The following COL6A5 variants were observed in gnomAD, a reference collection of about 807,000 sequenced individuals.
COL6A5 encodes collagen type VI alpha 5 chain, also known as collagen alpha-5(VI) chain.
A neutral mutation model predicts 65.6 loss-of-function variants in COL6A5; 48 were observed. The ratio of observed to expected loss-of-function variants is 0.73; its 90% CI spans 0.58 to 0.93. The LOEUF (loss-of-function observed/expected upper bound fraction) is 0.93. Ranked by LOEUF, COL6A5 falls within the 40% of genes least tolerant of loss-of-function variation. COL6A5 has a pLI of 0.00. For missense variants in COL6A5, 914 were observed against 928.3 expected, an observed-to-expected ratio of 0.98 and a Z score of 0.20; for synonymous variants, 291 against 322.8, an observed-to-expected ratio of 0.90 and a Z score of 1.05.
At chr3:130,478,734 A>G (rs1710158789) in intron 7 of COL6A5, among the ~76,000 whole-genome samples, 1 of 151,978 alleles carries the variant, frequency 6.6e-6, no homozygotes, top group Non-Finnish European at 1.5e-5. Flanking sequence ...AAAATATTCT[A>G]TCTGTAGTCC....
intron 7 of COL6A5, among the ~76,000 whole-genome samples, chr3:130,479,686 A>G (rs819095): frequency 0.64 from 96,705 of 151,982 alleles, 33,721 homozygotes; most frequent in Non-Finnish European, 0.79. Context: ...TGAATGAACT[A>G]AATTGAAGCT....
chr3:130,447,070 T>C (rs1278662922), intron 4 of COL6A5, among the ~76,000 whole-genome samples: 1 of 152,132 alleles, frequency 6.6e-6, no homozygotes, highest in African/African-American at 2.4e-5. Flanking sequence ...TCCAGTAATA[T>C]GGGAAATTCC....
exon 6 of COL6A5, chr3:130,388,812 GTCTC>G: frequency 6.4e-7 from 1 of 1,551,370 alleles, no homozygotes; most frequent in Non-Finnish European, 8.7e-7. Context: ...TAGATAGAAT[GTCTC>G]TCATCAATGA....
intron 4 of COL6A5, among the ~76,000 whole-genome samples, chr3:130,445,669 GT>G (rs1169839520): frequency 6.6e-6 from 1 of 152,078 alleles, no homozygotes; most frequent in Non-Finnish European, 1.5e-5. Flanking sequence ...ATGAGGCCTG[GT>G]GCGGGGGGGA....
At position 130,432,001 on chromosome 3, in the gene COL6A5, G is replaced by T. The variant is rs1378438253; in HGVS notation, c.487+52G>T. On this transcript the variant is annotated intron_variant, in intron 1 of 7. Coordinates refer to ENST00000512836, the Ensembl canonical transcript of COL6A5. Reference sequence around the variant, plus strand: ...TAATTTTAAGATAGAGGTAGGTATTGTGATAGGGCAGGATGGGAGTGGTAG... The same window carrying T: ...TAATTTTAAGATAGAGGTAGGTATTTTGATAGGGCAGGATGGGAGTGGTAG... 2.0e-5 allele frequency: 31 copies of T among 1,522,708 alleles called. No homozygotes were observed. The South Asian group carries it at 3.0e-4, about 15-fold the overall frequency. 94.3% of individuals were successfully genotyped at this position (1,522,708 alleles called of 1,614,324 possible).
At chr3:130,437,816 T>C (rs1020514757) in intron 1 of COL6A5, among the ~76,000 whole-genome samples, 2 of 152,152 alleles carry the variant, frequency 1.3e-5, no homozygotes, top group Admixed American at 1.3e-4. Context: ...TTAAATGTCA[T>C]GTTATCAGTG....
intron 4 of COL6A5, among the ~76,000 whole-genome samples, chr3:130,451,373 G>A (rs6800797): frequency 6.6e-6 from 1 of 151,768 alleles, no homozygotes; most frequent in Admixed American, 6.6e-5. Context: ...TGAGAAAGGG[G>A]CATTGGAGGA....
At chr3:130,413,516 A>G (rs1559888797) in intron 20 of COL6A5, 29 bp from the exon 21 acceptor site, 1 of 1,544,088 alleles carries the variant, frequency 6.5e-7, no homozygotes, top group Non-Finnish European at 8.8e-7. Context: ...AGACATCCAC[A>G]TACTAACAGT....
chr3:130,445,059 G>A lies in COL6A5; in HGVS notation c.1332+1493G>A, dbSNP rs113542533. Among the ~76,000 whole-genome samples the A allele has an allele frequency of 7.4e-3, 1,127 of 152,266 alleles. 14 individuals carry two copies. The highest frequency in any genetic ancestry group is 0.025 in the African/African-American group (1,057 of 41,558). On this transcript the variant is annotated intron_variant, in intron 4 of 7. Transcript: ENST00000512836. The stretch of plus-strand genomic sequence containing the variant: ...TAATTTGATTTGCCAATTTTTGATC[G>A]ATGCCTTGTTGAGAATTCCACATTT...
chr3:130,417,502 A>G (rs1559891344), intron 24 of COL6A5, among the ~76,000 whole-genome samples: 2 of 152,252 alleles, frequency 1.3e-5, no homozygotes, highest in South Asian at 4.2e-4. Flanking sequence ...CATCAGAAAC[A>G]ACTCTAAAAG....
At chr3:130,456,777 G>A (rs571752851) in intron 5 of COL6A5, among the ~76,000 whole-genome samples, 1 of 152,160 alleles carries the variant, frequency 6.6e-6, no homozygotes, top group African/African-American at 2.4e-5. Context: ...AGAGAAAAAG[G>A]GGCCAGTTTT....
chr3:130,468,743 C>G lies in COL6A5; in HGVS notation c.1545-52C>G, dbSNP rs1709875996. ...TGTATTTGCCATCTATGACTAGGAG[C>G]TCCAAGCTTATCTTTCCATTAAAAA... is the stretch of plus-strand genomic sequence containing the variant. On this transcript the variant is annotated intron_variant, in intron 5 of 7. Coordinates refer to ENST00000512836, the Ensembl canonical transcript of COL6A5. 4 of 1,322,060 alleles carry G rather than the reference C, an allele frequency of 3.0e-6. No individual in the cohort carries two copies. The East Asian group carries it at 9.7e-5, about 32-fold the overall frequency. The allele number at this position is 1,322,060 out of a possible 1,614,324, so 81.9% of individuals were successfully genotyped here. A position where few individuals can be genotyped will look rare whatever the true frequency, so the allele number is the denominator to read the frequency against.
At chr3:130,439,580 C>G (rs1438760377) in exon 2 of COL6A5, 2 of 1,551,174 alleles carry the variant, frequency 1.3e-6, no homozygotes, top group Non-Finnish European at 1.7e-6. Context: ...GAAAATCAAA[C>G]ATTAGAAAGA....
chr3:130,392,321 G>C (rs1465420543), intron 7 of COL6A5, among the ~76,000 whole-genome samples: 1 of 152,158 alleles, frequency 6.6e-6, no homozygotes, highest in Non-Finnish European at 1.5e-5. Context: ...GGTAATGGAA[G>C]CTGGCTGAGA....
intron 1 of COL6A5, among the ~76,000 whole-genome samples, chr3:130,362,656 A>C (rs1935185697): frequency 6.6e-6 from 1 of 152,162 alleles, no homozygotes; most frequent in African/African-American, 2.4e-5. Context: ...TCAGTTTGTC[A>C]ATATCAAAAT....
intron 23 of COL6A5, among the ~76,000 whole-genome samples, chr3:130,416,124 C>G (rs1364529612): frequency 6.6e-6 from 1 of 152,092 alleles, no homozygotes; most frequent in Admixed American, 6.6e-5. Flanking sequence ...TACTTGATTC[C>G]TATGTTCACC....
intron 1 of COL6A5, among the ~76,000 whole-genome samples, chr3:130,438,321 T>G (rs867636181): frequency 2.0e-5 from 3 of 152,190 alleles, no homozygotes; most frequent in African/African-American, 4.8e-5. Flanking sequence ...CTGTTTCATT[T>G]ATTTTCATAT....
intron 29 of COL6A5, 128 bp downstream of exon 29, chr3:130,424,028 C>A: frequency 1.7e-6 from 1 of 603,508 alleles, no homozygotes; most frequent in Non-Finnish European, 2.9e-6. Flanking sequence ...GCTATATGAC[C>A]CAGTCACTGG....
At chr3:130,371,997 C>G (rs1935583050) in intron 1 of COL6A5, among the ~76,000 whole-genome samples, 1 of 151,846 alleles carries the variant, frequency 6.6e-6, no homozygotes, top group African/African-American at 2.4e-5. Context: ...CAATAAAAGA[C>G]AAAAAACCCA....
Sources: gnomAD v4.1 joint callset for allele counts (sites outside exome capture counted in the v4.1 genomes callset) on GRCh38, gnomAD v4.1.1 for gene constraint, MANE v1.5 for transcripts, NCBI Gene and HGNC (gene_info 2026-07-23, HGNC 2026-07-21) for gene names.